Variants in SOD2 observed in about 807,000 individuals in gnomAD.
SOD2 encodes superoxide dismutase 2, also known as superoxide dismutase [Mn], mitochondrial.
In SOD2, 11 loss-of-function variants were observed where a neutral mutation model predicts 27.0. The ratio of observed to expected loss-of-function variants is 0.41; its 90% CI spans 0.26 to 0.67. The LOEUF is 0.67. Among genes scored for constraint, SOD2 ranks in the 30% least tolerant of loss-of-function variants. The probability of loss-of-function intolerance (pLI) is 0.34; values close to 1 mark genes in which losing one functional copy is unlikely to be tolerated. For missense variants in SOD2, 250 were observed against 274.5 expected, an observed-to-expected ratio of 0.91 and a Z score of 0.63; for synonymous variants, 105 against 103.0, an observed-to-expected ratio of 1.02 and a Z score of -0.12.
At chr6:159,738,838 A>C (rs897271196) in intron 1 of SOD2, 2 of 505,276 alleles carry the variant, frequency 4.0e-6, no homozygotes, top group African/African-American at 4.0e-5. Context: ...CCTTAAAAAA[A>C]AAAAACTTTT....
chr6:159,721,745 T>C (rs1778046332), intron 1 of SOD2, among the ~76,000 whole-genome samples: 1 of 146,830 alleles, frequency 6.8e-6, no homozygotes, highest in Non-Finnish European at 1.5e-5. Flanking sequence ...CAGGTTGGTC[T>C]TGAACTCCTG....
chr6:159,712,025 CACA>C (rs1484302087), intron 1 of SOD2, among the ~76,000 whole-genome samples: 6 of 47,664 alleles, frequency 1.3e-4, no homozygotes, highest in Non-Finnish European at 2.4e-4. Flanking sequence ...AACCACCACT[CACA>C]CTGCTCAGAC....
At chr6:159,707,088 A>T (rs1777641522) in intron 1 of SOD2, among the ~76,000 whole-genome samples, 1 of 152,218 alleles carries the variant, frequency 6.6e-6, no homozygotes, top group Non-Finnish European at 1.5e-5. Context: ...AAGACACAAC[A>T]TACCAGAATC....
chr6:159,700,768 ATC>A (rs1777510874), intron 1 of SOD2, among the ~76,000 whole-genome samples: 2 of 152,168 alleles, frequency 1.3e-5, no homozygotes, highest in African/African-American at 4.8e-5. Context: ...AAGAACAAAT[ATC>A]TCTCTGAGTG....
intron 1 of SOD2, among the ~76,000 whole-genome samples, chr6:159,737,828 T>A (rs1779014007): frequency 6.6e-6 from 1 of 152,336 alleles, no homozygotes; most frequent in South Asian, 2.1e-4. Context: ...TATCTCACCT[T>A]TACAGCCTTT....
chr6:159,678,674 T>G lies in SOD2; in HGVS notation c.*3819A>C, dbSNP rs986795144. 1 of 152,174 alleles carries G rather than the reference T, an allele frequency of 6.6e-6. No homozygotes were observed. The highest frequency in any genetic ancestry group is 2.4e-5 in the African/African-American group (1 of 41,446). 9.4% of individuals were successfully genotyped at this position (152,174 alleles called of 1,614,324 possible). A position where few individuals can be genotyped will look rare whatever the true frequency, so the allele number is the denominator to read the frequency against. ...TCTGGGAGCTGCTCTAGCAAATAAA[T>G]CAAAACCAAGGAAAGGGTCACGGGA... On this transcript the variant is annotated 3_prime_UTR_variant, in exon 5 of 5. Transcript: ENST00000538183.
intron 1 of SOD2, among the ~76,000 whole-genome samples, chr6:159,705,830 T>C (rs1396613216): frequency 3.9e-5 from 6 of 151,950 alleles, no homozygotes. Context: ...TTCACCAAAG[T>C]TGAAATGAAG....
upstream of SOD2, chr6:159,749,026 A>T (rs1779722736): frequency 1.4e-5 from 14 of 1,000,464 alleles, no homozygotes; most frequent in Admixed American, 6.0e-5. Flanking sequence ...CAAGTAGCGC[A>T]TATATTTAAC....
upstream of SOD2, among the ~76,000 whole-genome samples, chr6:159,728,261 G>C (rs1319558562): frequency 1.3e-5 from 2 of 152,132 alleles, no homozygotes; most frequent in Non-Finnish European, 2.9e-5. Flanking sequence ...CTGTGAGACA[G>C]TTACTAGATT....
At chr6:159,753,340 G>T (rs1203768870) in intron 1 of SOD2, 5 of 1,350,826 alleles carry the variant, frequency 3.7e-6, no homozygotes, top group Non-Finnish European at 5.1e-6. Context: ...GGTAATTATG[G>T]GGAAGCATCT....
At chr6:159,688,323 A>G (rs1780289948) in intron 2 of SOD2, 81 bp from the exon 3 acceptor site, 1 of 850,356 alleles carries the variant, frequency 1.2e-6, no homozygotes, top group Admixed American at 1.9e-5. Flanking sequence ...TTTTCTTTGT[A>G]AGCTATTAGA....
At chr6:159,705,257 C>A (rs1356174082) in intron 1 of SOD2, among the ~76,000 whole-genome samples, 1 of 152,238 alleles carries the variant, frequency 6.6e-6, no homozygotes, top group Non-Finnish European at 1.5e-5. Flanking sequence ...AGCAATGGAA[C>A]AAAGCTGGAC....
At chr6:159,727,402 A>AGGCGGGAGGCGGGAGGCGGGGGGCGGGC (rs773728704), upstream of SOD2, 1 of 1,162,402 alleles carries the variant, frequency 8.6e-7, no homozygotes, top group Admixed American at 3.0e-5. Flanking sequence ...GGGAGGCGGG[A>AGGCGGGAGGCGGGAGGCGGGGGGCGGGC]GGCAGTGGCG....
intron 1 of SOD2, among the ~76,000 whole-genome samples, chr6:159,740,466 A>G (rs964491871): frequency 1.3e-5 from 2 of 152,086 alleles, no homozygotes; most frequent in African/African-American, 2.4e-5. Flanking sequence ...TGTGCCTTCT[A>G]TCCTTGTGAT....
Position 159,681,481 on chromosome 6 carries a change from G to T in SOD2, c.*1012C>A, listed in dbSNP as rs903922244. ...TCTCAGTTTCTTCCTGAGGGGCCTG[G>T]CCAGACCTTAATGTTCCTTTCTGCG... is the stretch of plus-strand genomic sequence containing the variant. On this transcript the variant is annotated 3_prime_UTR_variant, in exon 5 of 5. Transcript: ENST00000538183. 6.6e-6 allele frequency: 1 copy of T among 152,244 alleles called. No individual in the cohort carries two copies. The highest frequency in any genetic ancestry group is 1.5e-5 in the Non-Finnish European group (1 of 68,128). The allele number at this position is 152,244 out of a possible 1,614,324, so 9.4% of individuals were successfully genotyped here.
intron 1 of SOD2, chr6:159,726,941 C>G: frequency 1.6e-6 from 2 of 1,288,326 alleles, no homozygotes; most frequent in Non-Finnish European, 2.0e-6. Flanking sequence ...CACGCGGAAG[C>G]ATCACGGATG....
At chr6:159,690,156 G>A (rs1017467255) in intron 2 of SOD2, among the ~76,000 whole-genome samples, 6 of 150,984 alleles carry the variant, frequency 4.0e-5, no homozygotes, top group African/African-American at 1.2e-4. Flanking sequence ...GCGTGGTGGC[G>A]TACGCCTGTA....
chr6:159,754,769 AT>A (rs1338193480), intron 1 of SOD2, among the ~76,000 whole-genome samples: 13 of 152,216 alleles, frequency 8.5e-5, no homozygotes, highest in African/African-American at 2.4e-4. Flanking sequence ...TTCCTTGAAT[AT>A]TTTCCTTCTA....
upstream of SOD2, among the ~76,000 whole-genome samples, chr6:159,746,749 A>C (rs138686774): frequency 1.7e-4 from 26 of 152,294 alleles, no homozygotes; most frequent in African/African-American, 6.3e-4. Flanking sequence ...TCTTTTGCCA[A>C]TCAACTCAAA....
Sources: gnomAD v4.1 joint callset for allele counts (sites outside exome capture counted in the v4.1 genomes callset) on GRCh38, gnomAD v4.1.1 for gene constraint, MANE v1.5 for transcripts, NCBI Gene and HGNC (gene_info 2026-07-23, HGNC 2026-07-21) for gene names.